Variants in CIMIP2A observed in about 807,000 individuals in gnomAD.
The protein encoded by CIMIP2A is ciliary microtubule inner protein 2A, also known as family with sequence similarity 166 member A.
At chr9:137,244,620 G>A in the CIMIP2A span, 1 of 1,612,846 alleles carries the variant, frequency 6.2e-7, no homozygotes, top group East Asian at 2.2e-5. Flanking sequence ...CTGGGAGCAG[G>A]CCCTGGATGG....
the CIMIP2A span, chr9:137,253,627 T>A: frequency 1.4e-6 from 1 of 689,782 alleles, no homozygotes; most frequent in Non-Finnish European, 2.2e-6. Context: ...GGTGGCAGCC[T>A]GTGACTGACC....
At chr9:137,252,543 A>C in the CIMIP2A span, 1 of 1,274,656 alleles carries the variant, frequency 7.8e-7, no homozygotes, top group Admixed American at 2.3e-5. Context: ...GCTGGGCAGG[A>C]AGGGGGCGGG....
the CIMIP2A span, among the ~76,000 whole-genome samples, chr9:137,248,111 T>C: frequency 6.6e-6 from 1 of 152,198 alleles, no homozygotes; most frequent in Non-Finnish European, 1.5e-5. Flanking sequence ...GAGCCTTGGC[T>C]CGAGTCAGGG....
the CIMIP2A span, chr9:137,243,935 C>A: frequency 2.0e-6 from 2 of 1,010,288 alleles, no homozygotes; most frequent in South Asian, 1.4e-5. Flanking sequence ...GCAGGCCTGT[C>A]CTGTTCCAGG....
the CIMIP2A span, chr9:137,253,385 C>A: frequency 6.6e-7 from 1 of 1,509,750 alleles, no homozygotes; most frequent in Admixed American, 2.1e-5. Context: ...ACCCTTCTGG[C>A]TGGCCAACCC....
At chr9:137,246,528 C>T in the CIMIP2A span, among the ~76,000 whole-genome samples, 1,901 of 152,322 alleles carry the variant, frequency 0.012, 78 homozygotes, top group East Asian at 0.14. Context: ...CTTTGGGAGG[C>T]TGAGGCGGGC....
chr9:137,252,211 T>C, the CIMIP2A span: 4 of 1,541,802 alleles, frequency 2.6e-6, no homozygotes, highest in Non-Finnish European at 3.5e-6. Flanking sequence ...GCCTCTGTGC[T>C]GAAACCCCCA....
At chr9:137,253,604 C>A in the CIMIP2A span, 2 of 887,002 alleles carry the variant, frequency 2.3e-6, no homozygotes, top group Non-Finnish European at 3.2e-6. Flanking sequence ...CTGAAAGGTG[C>A]TCTCTTCTCT....
the CIMIP2A span, chr9:137,250,731 T>A: frequency 6.2e-6 from 1 of 161,028 alleles, no homozygotes; most frequent in Non-Finnish European, 1.4e-5. Flanking sequence ...ACCCCAGCCC[T>A]GGCTGGGCTC....
chr9:137,253,568 G>A, the CIMIP2A span: 3 of 1,271,524 alleles, frequency 2.4e-6, no homozygotes, highest in South Asian at 5.4e-5. Context: ...GGCTTTCCCT[G>A]TTGAGGGGTC....
At chr9:137,246,913 C>T in the CIMIP2A span, among the ~76,000 whole-genome samples, 3,832 of 152,184 alleles carry the variant, frequency 0.025, 76 homozygotes, top group Middle Eastern at 0.048. Context: ...ACACACGTTC[C>T]GTAGAGGGGT....
the CIMIP2A span, chr9:137,244,306 TGCTAACAAG>T: frequency 1.2e-6 from 2 of 1,613,040 alleles, no homozygotes; most frequent in East Asian, 2.2e-5. Flanking sequence ...GACAGGAAGG[TGCTAACAAG>T]CTCCCTCCCC....
chr9:137,245,734 A>C, the CIMIP2A span: 1 of 1,601,594 alleles, frequency 6.2e-7, no homozygotes, highest in Admixed American at 1.7e-5. Context: ...GGGTTTGGAC[A>C]TGGGGGACAG....
the CIMIP2A span, chr9:137,245,981 G>T: frequency 1.5e-6 from 1 of 663,484 alleles, no homozygotes; most frequent in Non-Finnish European, 2.3e-6. Context: ...GTGGCAGCTC[G>T]CCTGCCCTCT....
At chr9:137,253,514 C>G in the CIMIP2A span, 1 of 1,419,868 alleles carries the variant, frequency 7.0e-7, no homozygotes, top group Non-Finnish European at 9.2e-7. Context: ...CTGTCCTTCA[C>G]CCGGGGGCGG....
At chr9:137,248,443 T>C in the CIMIP2A span, among the ~76,000 whole-genome samples, 3 of 149,730 alleles carry the variant, frequency 2.0e-5, no homozygotes, top group African/African-American at 7.4e-5. Flanking sequence ...CTCGGGAGGC[T>C]GAGGCAGGAG....
At chr9:137,254,789 C>T in the CIMIP2A span, among the ~76,000 whole-genome samples, 14 of 151,760 alleles carry the variant, frequency 9.2e-5, no homozygotes, top group African/African-American at 3.1e-4. Context: ...CACAGCCTCC[C>T]GGTGCCTGGG....
chr9:137,244,279 T>C, the CIMIP2A span: 1 of 1,613,690 alleles, frequency 6.2e-7, no homozygotes. Context: ...TGGGGGTTTC[T>C]AAACAGGAAC....
chr9:137,254,420 G>A, the CIMIP2A span, among the ~76,000 whole-genome samples: 1 of 152,328 alleles, frequency 6.6e-6, no homozygotes, highest in African/African-American at 2.4e-5. Context: ...GCTCACGGCT[G>A]CACCACCAGG....
Sources: allele counts gnomAD v4.1 joint callset (sites outside exome capture counted in the v4.1 genomes callset), GRCh38; gene constraint gnomAD v4.1.1; transcripts MANE v1.5; gene names NCBI Gene and HGNC (gene_info 2026-07-23, HGNC 2026-07-21).